RNF138: variants seen among roughly 807,000 people sequenced by gnomAD.
The protein encoded by RNF138 is ring finger protein 138.
Under a neutral mutation model 31.0 loss-of-function variants are expected in RNF138, and 12 were observed. The ratio of observed to expected loss-of-function variants is 0.39; its 90% CI spans 0.25 to 0.63. RNF138 has a LOEUF of 0.63. Among genes scored for constraint, RNF138 ranks in the 20% least tolerant of loss-of-function variants. The pLI is 0.52. For synonymous variants in RNF138, 105 were observed against 99.5 expected (o/e 1.06, Z -0.33); for missense variants, 192 against 300.1 (o/e 0.64, Z 2.66).
intron 2 of RNF138, among the ~76,000 whole-genome samples, chr18:32,103,309 C>T (rs927162122): frequency 6.6e-6 from 1 of 152,122 alleles, no homozygotes; most frequent in Middle Eastern, 3.4e-3. Context: ...CTGCCTCATC[C>T]TTGCAAGTAG....
intron 7 of RNF138, among the ~76,000 whole-genome samples, chr18:32,127,211 A>T (rs1449060039): frequency 2.6e-5 from 4 of 152,156 alleles, no homozygotes; most frequent in Non-Finnish European, 5.9e-5. Context: ...AGCATGTAAG[A>T]CACAACGTTT....
At chr18:32,113,938 T>A (rs1204283792) in intron 4 of RNF138, 78 bp downstream of exon 4, 2 of 739,066 alleles carry the variant, frequency 2.7e-6, no homozygotes, top group African/African-American at 3.7e-5. Context: ...TGATAAGGTA[T>A]TTGGGGGGAT....
At chr18:32,092,650 C>T (rs747342391) in intron 1 of RNF138, 50 bp from the exon 2 acceptor site, 74 of 661,298 alleles carry the variant, frequency 1.1e-4, no homozygotes, top group East Asian at 9.2e-4. Context: ...CCCTTCCTGG[C>T]GCGCGCTGTA....
At chr18:32,097,942 A>ATG (rs2039841705) in intron 2 of RNF138, among the ~76,000 whole-genome samples, 1 of 59,314 alleles carries the variant, frequency 1.7e-5, no homozygotes, top group Non-Finnish European at 3.6e-5. Flanking sequence ...GTGTATGTAT[A>ATG]TATGTGTGTG....
chr18:32,104,348 G>C (rs544142239), intron 2 of RNF138, among the ~76,000 whole-genome samples: 35 of 152,106 alleles, frequency 2.3e-4, no homozygotes, highest in African/African-American at 8.2e-4. Context: ...ATTAAGGGTG[G>C]CTTCCCTAAA....
At chr18:32,127,368 G>A (rs942889673) in intron 7 of RNF138, among the ~76,000 whole-genome samples, 11 of 152,040 alleles carry the variant, frequency 7.2e-5, no homozygotes, top group African/African-American at 2.4e-4. Flanking sequence ...TTTTTAATTA[G>A]GTGAAAACCT....
At chr18:32,124,892 C>CA in intron 6 of RNF138, 47 bp downstream of exon 6, 2 of 949,590 alleles carry the variant, frequency 2.1e-6, no homozygotes, top group Non-Finnish European at 3.4e-6. Context: ...ATAAAACATG[C>CA]TGTTCTATTT....
chr18:32,122,323 C>T (rs1353299029), intron 4 of RNF138: 1 of 152,068 alleles, frequency 6.6e-6, no homozygotes, highest in Non-Finnish European at 1.5e-5. Flanking sequence ...TGAAAGTAAA[C>T]AGAAAAGAAA....
intron 7 of RNF138, among the ~76,000 whole-genome samples, chr18:32,127,245 T>C (rs1375095928): frequency 1.3e-5 from 2 of 152,170 alleles, no homozygotes; most frequent in Non-Finnish European, 2.9e-5. Context: ...AGCTTAGTTA[T>C]CAGGCAAAGC....
At chr18:32,108,588 A>G (rs1198153694) in intron 2 of RNF138, among the ~76,000 whole-genome samples, 1 of 152,086 alleles carries the variant, frequency 6.6e-6, no homozygotes, top group Non-Finnish European at 1.5e-5. Context: ...ACCTATGTAT[A>G]GTTTTCAGTT....
rs1189372642 is a variant in RNF138, at chr18:32,116,518, T to C, written c.392+2658T>C. Among the ~76,000 whole-genome samples, 13 of 151,630 alleles carry C rather than the reference T, an allele frequency of 8.6e-5. No individual in the cohort carries two copies. The East Asian group carries it at 1.5e-3, about 18-fold the overall frequency. ...AAATTGGCAAAGGAAGGAAAAGCTT[T>C]TTTTTTTTTTTTTAAATTTTTAAAT... On this transcript the variant is annotated intron_variant, in intron 4 of 7. Coordinates refer to ENST00000261593, the MANE Select transcript of RNF138 (RefSeq NM_016271.5).
At chr18:32,123,487 G>A (rs1438852525) in intron 4 of RNF138, 31 bp from the exon 5 acceptor site, 6 of 1,396,186 alleles carry the variant, frequency 4.3e-6, no homozygotes, top group Non-Finnish European at 5.9e-6. Flanking sequence ...ATTACTTTGA[G>A]GTATTAACTT....
intron 4 of RNF138, among the ~76,000 whole-genome samples, chr18:32,121,178 T>C (rs570287932): frequency 6.7e-6 from 1 of 149,812 alleles, no homozygotes; most frequent in Non-Finnish European, 1.5e-5. Context: ...ATGGAAGATG[T>C]ATGCCATAGG....
chr18:32,125,020 A>C, intron 6 of RNF138, 175 bp downstream of exon 6: 1 of 541,912 alleles, frequency 1.8e-6, no homozygotes. Flanking sequence ...GAGATATTTA[A>C]AATTGCAGTA....
Position 32,129,090 on chromosome 18 carries a change from C to T in RNF138, c.670-29C>T, listed in dbSNP as rs974614462. 14 of 1,498,452 alleles carry T rather than the reference C, an allele frequency of 9.3e-6. No homozygotes were observed. The African/African-American group carries it at 1.9e-4, about 21-fold the overall frequency. 92.8% of individuals were successfully genotyped at this position (1,498,452 alleles called of 1,614,324 possible). ...TATTAGAGTAGTTGAATATGTTTTT[C>T]CTGTTGACATGAATGTTATTGTTTT... is the stretch of plus-strand genomic sequence containing the variant. On this transcript the variant is annotated intron_variant, in intron 7 of 7. Coordinates refer to ENST00000261593, the MANE Select transcript of RNF138 (RefSeq NM_016271.5).
Position 32,129,109 on chromosome 18 carries a change from T to C in RNF138, c.670-10T>C, listed in dbSNP as rs748495982. On this transcript the variant is annotated splice_polypyrimidine_tract_variant and intron_variant, in intron 7 of 7. Coordinates refer to ENST00000261593, the MANE Select transcript of RNF138 (RefSeq NM_016271.5). ...GTTTTTCCTGTTGACATGAATGTTA[T>C]TGTTTTTAGAATCTTCAGCTAGATG... The C allele has an allele frequency of 1.4e-5, 23 of 1,595,880 alleles. No homozygotes were observed. Among genetic ancestry groups the C allele is most frequent in the South Asian group, 5.5e-5 (5 of 90,696 alleles).
rs371987528 is a variant in RNF138, at chr18:32,123,186, G to A, written c.393-332G>A. Among the ~76,000 whole-genome samples, 14 of 152,008 alleles carry A rather than the reference G, an allele frequency of 9.2e-5. No homozygotes were observed. The South Asian group carries it at 2.7e-3, about 29-fold the overall frequency. ...TAGCATTTAAAACCTTACTAGTCTA[G>A]GTAAAGGTAGAGGAATGGGATTTAA... is the stretch of plus-strand genomic sequence containing the variant. On this transcript the variant is annotated intron_variant, in intron 4 of 7. Coordinates refer to ENST00000261593, the MANE Select transcript of RNF138 (RefSeq NM_016271.5).
chr18:32,098,914 AT>A (rs58298513), intron 2 of RNF138, among the ~76,000 whole-genome samples: 9,329 of 141,082 alleles, frequency 0.066, 760 homozygotes, highest in African/African-American at 0.2. Context: ...ACAACCTTTG[AT>A]TTTTTTTTTT....
At chr18:32,116,162 C>T (rs763299755) in intron 4 of RNF138, among the ~76,000 whole-genome samples, 2 of 152,124 alleles carry the variant, frequency 1.3e-5, no homozygotes, top group Non-Finnish European at 2.9e-5. Context: ...AGTTCTTCCT[C>T]ATCATCCTCA....
Sources: gnomAD v4.1 joint callset for allele counts (sites outside exome capture counted in the v4.1 genomes callset) on GRCh38, gnomAD v4.1.1 for gene constraint, MANE v1.5 for transcripts, NCBI Gene and HGNC (gene_info 2026-07-23, HGNC 2026-07-21) for gene names.